Variants in WWOX observed in about 807,000 individuals in gnomAD.
WWOX encodes WW domain containing oxidoreductase.
WWOX carries 69 observed loss-of-function variants against 46.2 expected under a neutral mutation model. That is an observed-to-expected ratio of 1.49 (90% CI 1.23 to 1.82). The LOEUF (loss-of-function observed/expected upper bound fraction) is 1.82, where lower values mean the gene tolerates loss of function less well. Ranked by LOEUF, WWOX falls within the 40% of genes most tolerant of loss-of-function variation. WWOX has a pLI of 0.00. For missense variants in WWOX, 919 were observed against 542.6 expected (o/e 1.69, Z -6.89); for synonymous variants, 359 against 202.6 (o/e 1.77, Z -6.56).
intron 8 of WWOX, among the ~76,000 whole-genome samples, chr16:79,099,612 G>C (rs142897591): frequency 8.2e-4 from 124 of 152,056 alleles, no homozygotes; most frequent in African/African-American, 2.7e-3. Context: ...GAGAGAGAGA[G>C]AGAGAGAAAT....
intron 8 of WWOX, among the ~76,000 whole-genome samples, chr16:78,861,525 T>A (rs9934393): frequency 6.6e-6 from 1 of 152,012 alleles, no homozygotes; most frequent in African/African-American, 2.4e-5. Flanking sequence ...CCAAAGTAAA[T>A]GCAAGACATT....
intron 8 of WWOX, among the ~76,000 whole-genome samples, chr16:78,893,891 C>G (rs140629516): frequency 6.6e-6 from 1 of 152,100 alleles, no homozygotes; most frequent in South Asian, 2.1e-4. Context: ...TTTCTAGATG[C>G]ATCTTTTGAG....
chr16:78,364,281 A>T (rs898579010), intron 5 of WWOX, among the ~76,000 whole-genome samples: 3 of 152,214 alleles, frequency 2.0e-5, no homozygotes, highest in African/African-American at 7.2e-5. Context: ...TACTCTCCTG[A>T]TAGCCACTAA....
chr16:78,106,558 A>G (rs2032161118), intron 1 of WWOX, among the ~76,000 whole-genome samples: 1 of 151,666 alleles, frequency 6.6e-6, no homozygotes, highest in African/African-American at 2.4e-5. Flanking sequence ...CTGGGATTAC[A>G]GGCATGTGCC....
chr16:78,682,904 A>G (rs955741225), intron 8 of WWOX, among the ~76,000 whole-genome samples: 3 of 152,166 alleles, frequency 2.0e-5, no homozygotes, highest in African/African-American at 7.2e-5. Context: ...TTGCAAAAAC[A>G]TACTTTCGTG....
At chr16:78,099,988 T>G in intron 1 of WWOX, 103 bp downstream of exon 1, 1 of 1,513,318 alleles carries the variant, frequency 6.6e-7, no homozygotes, top group African/African-American at 1.4e-5. Context: ...GCGCGTGCGG[T>G]GCAAAGTGAA....
At chr16:78,215,332 C>T (rs1478107770) in intron 5 of WWOX, among the ~76,000 whole-genome samples, 1 of 152,128 alleles carries the variant, frequency 6.6e-6, no homozygotes, top group African/African-American at 2.4e-5. Context: ...CTCCATAATC[C>T]CTACGTGCCA....
Position 79,183,433 on chromosome 16 carries a change from A to C in WWOX, c.1057-28175A>C, listed in dbSNP as rs548176676. ...TGACGTTCAGAACTGCCCTGTGAGC[A>C]GACATAAAAGCTTAGGCTCAAAGAG... is the stretch of plus-strand genomic sequence containing the variant. On this transcript the variant is annotated intron_variant, in intron 8 of 8. Transcript: ENST00000566780. 2.0e-5 allele frequency among the ~76,000 whole-genome samples: 3 copies of C among 152,340 alleles called. 1 individual carries two copies. The highest frequency in any genetic ancestry group is 2.0e-4 in the Admixed American group (3 of 15,304).
intron 4 of WWOX, among the ~76,000 whole-genome samples, chr16:78,136,964 T>C (rs896052095): frequency 4.6e-5 from 7 of 152,004 alleles, no homozygotes; most frequent in African/African-American, 1.5e-4. Flanking sequence ...GAGAGCAGGG[T>C]GTGTGCTCTC....
chr16:78,315,957 C>T (rs140458470), intron 5 of WWOX, among the ~76,000 whole-genome samples: 9 of 152,098 alleles, frequency 5.9e-5, no homozygotes, highest in East Asian at 1.9e-4. Flanking sequence ...TTGTAAGTGG[C>T]ACTGCAGGCC....
chr16:78,988,730 G>C (rs901960352), intron 8 of WWOX, among the ~76,000 whole-genome samples: 3 of 152,196 alleles, frequency 2.0e-5, no homozygotes, highest in African/African-American at 7.2e-5. Flanking sequence ...GGAGATTCCT[G>C]CATAGCTGTC....
intron 8 of WWOX, among the ~76,000 whole-genome samples, chr16:78,493,498 A>C (rs1679382332): frequency 1.3e-5 from 2 of 152,214 alleles, no homozygotes; most frequent in Admixed American, 1.3e-4. Flanking sequence ...AGCACAGAAG[A>C]GCAATTGCAT....
At chr16:79,150,303 A>T (rs7190432) in intron 8 of WWOX, among the ~76,000 whole-genome samples, 61,985 of 152,138 alleles carry the variant, frequency 0.41, 14,778 homozygotes, top group African/African-American at 0.67. Context: ...ACACTAAACA[A>T]GGGATTTCAC....
chr16:78,886,639 C>CATATATATAT (rs3085495), intron 8 of WWOX, among the ~76,000 whole-genome samples: 2,447 of 144,790 alleles, frequency 0.017, 51 homozygotes, highest in African/African-American at 0.045. Flanking sequence ...CAAAGAAAAA[C>CATATATATAT]ATATATATAT....
At position 78,117,485 on chromosome 16, in the gene WWOX, C is replaced by G. The variant is rs150843585; in HGVS notation, c.409+2331C>G. 8.1e-4 allele frequency among the ~76,000 whole-genome samples: 123 copies of G among 151,776 alleles called. 1 individual carries two copies. The highest frequency in any genetic ancestry group is 2.8e-3 in the African/African-American group (117 of 41,478). On this transcript the variant is annotated intron_variant, in intron 4 of 8. Transcript: ENST00000566780. ...ACTGCAAGTTCCAGGCAATCAAAAA[C>G]TCACAAATCACTTGCACTCTGCAGC...
Position 79,032,608 on chromosome 16 carries a change from A to G in WWOX, c.1057-179000A>G, listed in dbSNP as rs140203266. 4.2e-3 allele frequency among the ~76,000 whole-genome samples: 626 copies of G among 148,790 alleles called. 7 individuals are homozygous for G. The highest frequency in any genetic ancestry group is 0.014 in the African/African-American group (588 of 40,840). ...GGGGGGCAAAAACATATATATAATG[A>G]ATATAATTATATAATTCATATAATA... On this transcript the variant is annotated intron_variant, in intron 8 of 8. Coordinates refer to ENST00000566780, the MANE Select transcript of WWOX (RefSeq NM_016373.4).
chr16:78,161,646 A>C (rs1258624580), intron 4 of WWOX, among the ~76,000 whole-genome samples: 1 of 152,054 alleles, frequency 6.6e-6, no homozygotes, highest in Admixed American at 6.6e-5. Context: ...GTAGAGACAG[A>C]GTTTTGCTAT....
intron 5 of WWOX, among the ~76,000 whole-genome samples, chr16:78,247,294 A>G (rs1335361781): frequency 6.6e-6 from 1 of 152,024 alleles, no homozygotes; most frequent in Admixed American, 6.6e-5. Context: ...AAGCAGTTAA[A>G]CTTTGGTCAC....
chr16:78,387,985 G>A (rs932094542), intron 6 of WWOX, among the ~76,000 whole-genome samples: 1 of 152,014 alleles, frequency 6.6e-6, no homozygotes, highest in African/African-American at 2.4e-5. Flanking sequence ...TGAGGGAAGG[G>A]ATCTTAAACC....
Sources: gnomAD v4.1 joint callset for allele counts (sites outside exome capture counted in the v4.1 genomes callset) on GRCh38, gnomAD v4.1.1 for gene constraint, MANE v1.5 for transcripts, NCBI Gene and HGNC (gene_info 2026-07-23, HGNC 2026-07-21) for gene names.